ADAM22: variants seen among roughly 807,000 people sequenced by gnomAD.
The protein encoded by ADAM22 is ADAM metallopeptidase domain 22.
ADAM22 carries 65 observed loss-of-function variants against 144.6 expected under a neutral mutation model. That is an observed-to-expected ratio of 0.45 (90% CI 0.37 to 0.55). The LOEUF is 0.55. Ranked by LOEUF, ADAM22 falls within the 20% of genes least tolerant of loss-of-function variation. The pLI, the probability that ADAM22 is intolerant of heterozygous loss-of-function variation, is 0.00. For missense variants in ADAM22, 974 were observed against 1,184.9 expected (o/e 0.82, Z 2.61); for synonymous variants, 391 against 412.6 (o/e 0.95, Z 0.63).
At chr7:88,163,881 C>T (rs984152994) in intron 23 of ADAM22, among the ~76,000 whole-genome samples, 3 of 152,164 alleles carry the variant, frequency 2.0e-5, no homozygotes. Flanking sequence ...CTATTTCTTT[C>T]AGCATGTGCT....
intron 4 of ADAM22, among the ~76,000 whole-genome samples, chr7:88,094,752 G>A (rs2129485524): frequency 6.6e-6 from 1 of 152,210 alleles, no homozygotes; most frequent in Non-Finnish European, 1.5e-5. Context: ...TTTTCTTGAA[G>A]TCCTGCTGTC....
rs550938189 is a variant in ADAM22, at chr7:88,064,857, G to A, written c.324-10769G>A. Among the ~76,000 whole-genome samples the A allele has an allele frequency of 1.1e-4, 16 of 152,200 alleles. No homozygotes were observed. In the East Asian group the frequency reaches 2.9e-3, roughly 28 times the overall value. On this transcript the variant is annotated intron_variant, in intron 3 of 31. Transcript: ENST00000413139. ...CCATTCAAACCACAGCACCTACTTA[G>A]CATGTTGTTATGTGGATCAGATGAG...
chr7:87,944,911 T>G (rs199660434), intron 2 of ADAM22, among the ~76,000 whole-genome samples: 2,779 of 140,106 alleles, frequency 0.02, 86 homozygotes, highest in African/African-American at 0.069. Flanking sequence ...CTTCTTCTTC[T>G]TCCTTCCTAT....
intron 17 of ADAM22, 59 bp from the exon 18 acceptor site, chr7:88,148,918 A>T: frequency 7.9e-7 from 1 of 1,272,158 alleles, no homozygotes; most frequent in Non-Finnish European, 1.1e-6. Flanking sequence ...TTTTTAGATG[A>T]TATTGTAAGA....
chr7:88,020,547 G>T (rs1585059291), intron 3 of ADAM22, among the ~76,000 whole-genome samples: 1 of 152,116 alleles, frequency 6.6e-6, no homozygotes, highest in African/African-American at 2.4e-5. Flanking sequence ...CCTCCAATGT[G>T]TATCGACTTT....
In ADAM22 at chr7:88,031,699, G is replaced by C. The variant is rs538086787; in HGVS notation, c.324-43927G>C. Among the ~76,000 whole-genome samples the C allele has an allele frequency of 2.0e-5, 3 of 152,254 alleles. No individual in the cohort carries two copies. The East Asian group carries it at 5.8e-4, about 29-fold the overall frequency. The stretch of plus-strand genomic sequence containing the variant: ...AAAGGGAAGCAGAGCATGCCTGGAA[G>C]GTGTTTCAGAGACCTTCATGGCAGC... On this transcript the variant is annotated intron_variant, in intron 3 of 31. Coordinates refer to ENST00000413139, the MANE Select transcript of ADAM22 (RefSeq NM_001324418.2).
chr7:88,080,705 G>A (rs1202318873), intron 4 of ADAM22, among the ~76,000 whole-genome samples: 2 of 152,194 alleles, frequency 1.3e-5, no homozygotes, highest in East Asian at 3.9e-4. Flanking sequence ...TACCATCAGA[G>A]AATACTACAA....
At chr7:88,077,317 A>G (rs941661896) in intron 4 of ADAM22, among the ~76,000 whole-genome samples, 1 of 152,360 alleles carries the variant, frequency 6.6e-6, no homozygotes, top group East Asian at 1.9e-4. Flanking sequence ...TCATTATGGA[A>G]AAGTTTAAAC....
rs1320367277 is a variant in ADAM22 at position 88,115,635 on chromosome 7, C to G, written c.537+988C>G. Among the ~76,000 whole-genome samples, 3 of 152,216 alleles carry G rather than the reference C, an allele frequency of 2.0e-5. No individual in the cohort carries two copies. In the East Asian group the frequency reaches 5.8e-4, roughly 29 times the overall value. ...TAACATTTATCACTTCCTCACAGGC[C>G]TTATCTCCAGACAAAATTACCCTGG... On this transcript the variant is annotated intron_variant, in intron 6 of 31. Transcript: ENST00000413139.
At chr7:88,182,219 T>C in intron 29 of ADAM22, 195 bp downstream of exon 29, 1 of 501,174 alleles carries the variant, frequency 2.0e-6, no homozygotes, top group Non-Finnish European at 3.5e-6. Flanking sequence ...ACTGTTCCCA[T>C]ACCAATATTC....
chr7:87,938,585 C>T (rs1271970768), intron 2 of ADAM22, among the ~76,000 whole-genome samples: 1 of 152,050 alleles, frequency 6.6e-6, no homozygotes, highest in African/African-American at 2.4e-5. Flanking sequence ...TTTCTGTGAA[C>T]TCAAAAAGCT....
chr7:87,944,037 G>T (rs1182496797), intron 2 of ADAM22, among the ~76,000 whole-genome samples: 1 of 152,098 alleles, frequency 6.6e-6, no homozygotes. Flanking sequence ...TTCTAGCTGA[G>T]GCAGAACTCC....
intron 4 of ADAM22, among the ~76,000 whole-genome samples, chr7:88,106,574 T>C (rs1473388271): frequency 6.6e-6 from 1 of 152,190 alleles, no homozygotes; most frequent in Non-Finnish European, 1.5e-5. Flanking sequence ...CCACCCATCC[T>C]ATCGGTCCTT....
chr7:88,129,822 C>G (rs1015349772), intron 9 of ADAM22, among the ~76,000 whole-genome samples: 1 of 152,014 alleles, frequency 6.6e-6, no homozygotes, highest in Admixed American at 6.6e-5. Context: ...TAACTGAAGC[C>G]AGAAATTGGA....
intron 25 of ADAM22, among the ~76,000 whole-genome samples, chr7:88,171,170 T>C (rs1844223862): frequency 6.6e-6 from 1 of 151,964 alleles, no homozygotes; most frequent in Non-Finnish European, 1.5e-5. Context: ...TAAAAAGTTA[T>C]TTATATAAGT....
Position 88,019,946 on chromosome 7 carries a change from T to TA in ADAM22, c.323+41540dup, listed in dbSNP as rs565921983. Among the ~76,000 whole-genome samples the TA allele has an allele frequency of 5.9e-5, 9 of 151,456 alleles. No individual in the cohort carries two copies. The East Asian group carries it at 1.6e-3, about 26-fold the overall frequency. On this transcript the variant is annotated intron_variant, in intron 3 of 31. Transcript: ENST00000413139. ...AATAAAAAGATTAAACCTCAAATGA[T>TA]AAAAAACTACATTAGTGTTCTGTCA...
intron 2 of ADAM22, among the ~76,000 whole-genome samples, chr7:87,947,902 C>T (rs1268691487): frequency 2.0e-5 from 3 of 152,144 alleles, no homozygotes; most frequent in Admixed American, 6.5e-5. Context: ...GAGCCTTGTA[C>T]ATAACAGGTG....
chr7:88,125,702 G>T lies in ADAM22; in HGVS notation c.678+43G>T. ...TGTGTCGTGTTATTTTAAAACAATT[G>T]TCAACTGCCAGTCATTTGAATCTAC... On this transcript the variant is annotated intron_variant, in intron 8 of 31. Transcript: ENST00000413139. 4.8e-6 allele frequency: 7 copies of T among 1,444,112 alleles called. 1 individual carries two copies. Among genetic ancestry groups the T allele is most frequent in the Non-Finnish European group, 4.7e-6 (5 of 1,066,886 alleles). The allele number at this position is 1,444,112 out of a possible 1,614,324, so 89.5% of individuals were successfully genotyped here. A position where few individuals can be genotyped will look rare whatever the true frequency, so the allele number is the denominator to read the frequency against.
At chr7:88,090,036 G>A (rs1819453486) in intron 4 of ADAM22, 1 of 152,158 alleles carries the variant, frequency 6.6e-6, no homozygotes, top group African/African-American at 2.4e-5. Flanking sequence ...TCTCCATTTT[G>A]TCTGCTAGGG....
Sources: allele counts gnomAD v4.1 joint callset (sites outside exome capture counted in the v4.1 genomes callset), GRCh38; gene constraint gnomAD v4.1.1; transcripts MANE v1.5; gene names NCBI Gene and HGNC (gene_info 2026-07-23, HGNC 2026-07-21).